PDCD1LG2: variants seen among roughly 807,000 people sequenced by gnomAD.
The protein encoded by PDCD1LG2 is programmed cell death 1 ligand 2.
PDCD1LG2 carries 32 observed loss-of-function variants against 28.2 expected under a neutral mutation model. The observed-to-expected ratio is 1.13, with a 90% CI of 0.86 to 1.52. PDCD1LG2 has a LOEUF of 1.52. PDCD1LG2 is among the 40% of genes most tolerant of loss of function. The pLI, the probability that PDCD1LG2 is intolerant of heterozygous loss-of-function variation, is 0.00. For synonymous variants in PDCD1LG2, 116 were observed against 120.2 expected, an observed-to-expected ratio of 0.97 and a Z score of 0.23; for missense variants, 385 against 323.8, an observed-to-expected ratio of 1.19 and a Z score of -1.45.
chr9:5,550,939 C>T (rs949351670), intron 4 of PDCD1LG2, among the ~76,000 whole-genome samples: 3 of 152,082 alleles, frequency 2.0e-5, no homozygotes, highest in African/African-American at 4.8e-5. Flanking sequence ...GTGATCCGCC[C>T]GCCTCAGCCT....
At chr9:5,518,766 G>A (rs1311677293) in intron 1 of PDCD1LG2, among the ~76,000 whole-genome samples, 1 of 152,202 alleles carries the variant, frequency 6.6e-6, no homozygotes, top group South Asian at 2.1e-4. Context: ...TATATTTGTT[G>A]CCACATCTTT....
chr9:5,569,781 G>C lies in PDCD1LG2; in HGVS notation c.817-173G>C, dbSNP rs1485988252. Among the ~76,000 whole-genome samples the C allele has an allele frequency of 1.3e-5, 2 of 152,150 alleles. No homozygotes were observed. The highest frequency in any genetic ancestry group is 2.9e-5 in the Non-Finnish European group (2 of 68,036). ...GGAGAGAAGCTGAAGACTTGGACTA[G>C]GGCAATGGTAAAAACTGTGGAAAGA... On this transcript the variant is annotated intron_variant, in intron 6 of 6. Transcript: ENST00000397747. The surrounding 1 kb of genome is among the most constrained non-coding windows in gnomAD (Gnocchi z 4.1).
chr9:5,533,347 G>C (rs964247745), intron 2 of PDCD1LG2, among the ~76,000 whole-genome samples: 1 of 151,914 alleles, frequency 6.6e-6, no homozygotes, highest in Non-Finnish European at 1.5e-5. Flanking sequence ...TTTTTTTATA[G>C]AACTATTTAG....
chr9:5,520,507 A>T (rs953267977), intron 1 of PDCD1LG2, among the ~76,000 whole-genome samples: 7 of 152,206 alleles, frequency 4.6e-5, no homozygotes, highest in Non-Finnish European at 1.0e-4. Flanking sequence ...GTGGACATCC[A>T]GTTGTCCCTG....
chr9:5,552,448 C>T (rs190998901), intron 4 of PDCD1LG2, among the ~76,000 whole-genome samples: 20 of 152,196 alleles, frequency 1.3e-4, no homozygotes, highest in Non-Finnish European at 1.5e-4. Flanking sequence ...AACTTCTATA[C>T]GTGAGTCATT....
rs181113138 is a variant in PDCD1LG2 at position 5,527,791 on chromosome 9, A to G, written c.55+5190A>G. Among the ~76,000 whole-genome samples, 464 of 151,984 alleles carry G rather than the reference A, an allele frequency of 3.1e-3. 3 individuals carry two copies. Among genetic ancestry groups the G allele is most frequent in the Non-Finnish European group, 4.6e-3 (309 of 67,892 alleles). Reference sequence around the variant, plus strand: ...CCACCAGCAAGTATATGAGAGTTCTAATTGTTCCTCATCCTTCCCAGCACT... The same window carrying G: ...CCACCAGCAAGTATATGAGAGTTCTGATTGTTCCTCATCCTTCCCAGCACT... On this transcript the variant is annotated intron_variant, in intron 2 of 6. Coordinates refer to ENST00000397747, the MANE Select transcript of PDCD1LG2 (RefSeq NM_025239.4).
intron 4 of PDCD1LG2, among the ~76,000 whole-genome samples, chr9:5,551,352 G>A (rs995428948): frequency 6.6e-6 from 1 of 152,184 alleles, no homozygotes; most frequent in African/African-American, 2.4e-5. Flanking sequence ...ATAAGGACTT[G>A]TGTGGCATGC....
chr9:5,548,719 G>A (rs2129869517), intron 3 of PDCD1LG2, among the ~76,000 whole-genome samples: 1 of 152,278 alleles, frequency 6.6e-6, no homozygotes, highest in African/African-American at 2.4e-5. Context: ...GCATGTGTTA[G>A]GGAGAAGTGC....
chr9:5,549,877 C>A (rs1816294015), intron 4 of PDCD1LG2, among the ~76,000 whole-genome samples: 1 of 151,868 alleles, frequency 6.6e-6, no homozygotes, highest in Non-Finnish European at 1.5e-5. Context: ...GAAGCTGCCA[C>A]ATGCAGCGAC....
At chr9:5,547,024 C>G (rs2129861974) in intron 3 of PDCD1LG2, among the ~76,000 whole-genome samples, 1 of 152,150 alleles carries the variant, frequency 6.6e-6, no homozygotes, top group South Asian at 2.1e-4. Context: ...ACATTGAGAC[C>G]CACAACACAG....
At chr9:5,518,585 A>G (rs1013652583) in intron 1 of PDCD1LG2, among the ~76,000 whole-genome samples, 1 of 152,248 alleles carries the variant, frequency 6.6e-6, no homozygotes, top group African/African-American at 2.4e-5. Flanking sequence ...GTATGCCATG[A>G]GCATTTCCCT....
chr9:5,539,151 T>A (rs67996348), intron 3 of PDCD1LG2, among the ~76,000 whole-genome samples: 2 of 152,060 alleles, frequency 1.3e-5, no homozygotes, highest in African/African-American at 4.8e-5. Flanking sequence ...CATAAGATGC[T>A]GAACATTATA....
chr9:5,526,046 CAAAA>C (rs375299943), intron 2 of PDCD1LG2, among the ~76,000 whole-genome samples: 2 of 118,056 alleles, frequency 1.7e-5, no homozygotes, highest in Non-Finnish European at 1.8e-5. Flanking sequence ...GACTCCGTCT[CAAAA>C]AAAAAAAAAA....
rs371031746 is a variant in PDCD1LG2, at chr9:5,549,390, A to G, written c.417A>G (p.Val139=). 3 of 1,614,024 alleles carry G rather than the reference A, an allele frequency of 1.9e-6. No individual in the cohort carries two copies. Among genetic ancestry groups the G allele is most frequent in the Admixed American group, 1.7e-5 (1 of 60,012 alleles). Residue 139 remains valine (V), a synonymous_variant, in exon 4 of 7, where the codon GTA becomes GTG. Transcript: ENST00000397747. The part of the protein sequence containing the change: ...HILKVPETDE[V]ELTCQATGYP... ...TAAAGGTTCCAGAAACAGATGAGGT[A>G]GAGCTCACCTGCCAGGCTACAGGTT...
In PDCD1LG2 at chr9:5,570,414, T is replaced by C. The variant is rs896155107; in HGVS notation, c.*455T>C. ...TTCCTCTGGGTACTAGAAGAGGCTA[T>C]TGAGACTATGAGCTCACAGACAGGG... On this transcript the variant is annotated 3_prime_UTR_variant, in exon 7 of 7. Coordinates refer to ENST00000397747, the MANE Select transcript of PDCD1LG2 (RefSeq NM_025239.4). 2 of 238,320 alleles carry C rather than the reference T, an allele frequency of 8.4e-6. No individual in the cohort carries two copies. Among genetic ancestry groups the C allele is most frequent in the African/African-American group, 4.4e-5 (2 of 45,462 alleles). The allele number at this position is 238,320 out of a possible 1,614,324, so 14.8% of individuals were successfully genotyped here.
intron 3 of PDCD1LG2, among the ~76,000 whole-genome samples, chr9:5,536,679 G>T (rs1273875922): frequency 6.6e-6 from 1 of 152,196 alleles, no homozygotes; most frequent in Non-Finnish European, 1.5e-5. Flanking sequence ...GAGGCACCCT[G>T]CCTACTCCTT....
At chr9:5,546,334 C>T (rs934616080) in intron 3 of PDCD1LG2, among the ~76,000 whole-genome samples, 3 of 152,076 alleles carry the variant, frequency 2.0e-5, no homozygotes, top group Non-Finnish European at 2.9e-5. Context: ...TACTTCATTC[C>T]CCAAAAGACT....
At chr9:5,561,186 TTCATCAG>T (rs1258145345) in intron 5 of PDCD1LG2, among the ~76,000 whole-genome samples, 1 of 152,170 alleles carries the variant, frequency 6.6e-6, no homozygotes, top group African/African-American at 2.4e-5. Flanking sequence ...TAAATAAAAA[TTCATCAG>T]TCACATCTTA....
chr9:5,541,556 C>G (rs966672257), intron 3 of PDCD1LG2, among the ~76,000 whole-genome samples: 1 of 151,814 alleles, frequency 6.6e-6, no homozygotes, highest in Non-Finnish European at 1.5e-5. Flanking sequence ...TGCTATACAC[C>G]AACATCAACC....
Sources: allele counts gnomAD v4.1 joint callset (sites outside exome capture counted in the v4.1 genomes callset), GRCh38; gene constraint gnomAD v4.1.1; non-coding constraint Gnocchi (gnomAD v3.1); transcripts MANE v1.5; gene names NCBI Gene and HGNC (gene_info 2026-07-23, HGNC 2026-07-21).